The following AKAP19 variants were observed in gnomAD, a reference collection of about 807,000 sequenced individuals.
The protein encoded by AKAP19 is A-kinase anchoring protein 19.
the AKAP19 span, among the ~76,000 whole-genome samples, chr2:190,033,752 T>C: frequency 6.6e-6 from 1 of 152,218 alleles, no homozygotes; most frequent in Non-Finnish European, 1.5e-5. Context: ...TGCTGTCTTG[T>C]CTACCTGGAA....
the AKAP19 span, among the ~76,000 whole-genome samples, chr2:189,949,040 T>A: frequency 6.6e-5 from 10 of 152,218 alleles, no homozygotes; most frequent in African/African-American, 2.4e-4. Context: ...AATACAGTTG[T>A]CCCTCAGTAT....
the AKAP19 span, among the ~76,000 whole-genome samples, chr2:189,953,639 A>C: frequency 6.6e-6 from 1 of 151,420 alleles, no homozygotes; most frequent in Non-Finnish European, 1.5e-5. Flanking sequence ...CATCTCAAAA[A>C]AAAAAAAAAA....
the AKAP19 span, among the ~76,000 whole-genome samples, chr2:190,156,378 T>G: frequency 2.6e-5 from 4 of 152,150 alleles, no homozygotes; most frequent in Non-Finnish European, 5.9e-5. Flanking sequence ...TTAACCAAGA[T>G]AGGACCTAGA....
the AKAP19 span, among the ~76,000 whole-genome samples, chr2:189,941,382 G>A: frequency 6.6e-6 from 1 of 152,224 alleles, no homozygotes; most frequent in South Asian, 2.1e-4. Flanking sequence ...CAAAAGACAA[G>A]TGTCTGGAAA....
At chr2:190,100,095 C>T in the AKAP19 span, among the ~76,000 whole-genome samples, 1 of 152,114 alleles carries the variant, frequency 6.6e-6, no homozygotes, top group South Asian at 2.1e-4. Context: ...AGGATTAAAG[C>T]TAAAACAGCT....
the AKAP19 span, among the ~76,000 whole-genome samples, chr2:190,169,234 G>T: frequency 4.6e-5 from 7 of 152,068 alleles, no homozygotes; most frequent in Non-Finnish European, 8.8e-5. Flanking sequence ...TCACGGTCAG[G>T]AGAACAGCAC....
chr2:190,032,193 A>C, the AKAP19 span, among the ~76,000 whole-genome samples: 1 of 152,180 alleles, frequency 6.6e-6, no homozygotes, highest in Non-Finnish European at 1.5e-5. Context: ...CTAATTTATA[A>C]GAATTGTAAA....
the AKAP19 span, among the ~76,000 whole-genome samples, chr2:190,110,667 C>T: frequency 1.3e-5 from 2 of 152,134 alleles, no homozygotes; most frequent in East Asian, 1.9e-4. Flanking sequence ...TATGTCACTT[C>T]AATAACATCA....
At chr2:190,165,988 T>C in the AKAP19 span, among the ~76,000 whole-genome samples, 21,558 of 152,162 alleles carry the variant, frequency 0.14, 1,840 homozygotes, top group Middle Eastern at 0.24. Flanking sequence ...CAAAGAAAGT[T>C]GTATTTAGAA....
At chr2:189,984,010 A>G in the AKAP19 span, among the ~76,000 whole-genome samples, 4 of 152,172 alleles carry the variant, frequency 2.6e-5, no homozygotes, top group Non-Finnish European at 4.4e-5. Context: ...ACAGACATCA[A>G]GTACTTAATA....
the AKAP19 span, among the ~76,000 whole-genome samples, chr2:190,036,313 G>T: frequency 6.6e-6 from 1 of 152,188 alleles, no homozygotes; most frequent in African/African-American, 2.4e-5. Context: ...CTATGGCACA[G>T]TACAGCTGAC....
At chr2:190,147,650 T>C in the AKAP19 span, among the ~76,000 whole-genome samples, 1 of 131,128 alleles carries the variant, frequency 7.6e-6, no homozygotes, top group Non-Finnish European at 1.6e-5. Flanking sequence ...TGTTTCCATT[T>C]GTTTTTGTTG....
At chr2:190,198,058 A>C in the AKAP19 span, among the ~76,000 whole-genome samples, 2 of 152,358 alleles carry the variant, frequency 1.3e-5, no homozygotes, top group South Asian at 2.1e-4. Flanking sequence ...TAAACAAGAC[A>C]GACACCACAC....
At chr2:190,107,501 C>G in the AKAP19 span, among the ~76,000 whole-genome samples, 1 of 152,012 alleles carries the variant, frequency 6.6e-6, no homozygotes, top group African/African-American at 2.4e-5. Flanking sequence ...AAATGATTTT[C>G]ATTTTAGTTT....
At chr2:190,055,335 G>T in the AKAP19 span, among the ~76,000 whole-genome samples, 1 of 125,814 alleles carries the variant, frequency 7.9e-6, no homozygotes, top group African/African-American at 2.9e-5. Context: ...GTTGTGGGGT[G>T]GGGGGAGGGG....
the AKAP19 span, among the ~76,000 whole-genome samples, chr2:190,152,009 C>A: frequency 2.1e-5 from 2 of 94,976 alleles, no homozygotes; most frequent in African/African-American, 4.7e-5. Flanking sequence ...AAACAAAAAA[C>A]AACAACAAAA....
At chr2:190,140,037 A>G in the AKAP19 span, among the ~76,000 whole-genome samples, 527 of 152,320 alleles carry the variant, frequency 3.5e-3, 4 homozygotes, top group African/African-American at 0.012. Context: ...GAAATTGGCC[A>G]AAATGAAGGG....
chr2:190,062,841 A>G, the AKAP19 span: 1 of 449,504 alleles, frequency 2.2e-6, no homozygotes, highest in Non-Finnish European at 4.0e-6. Flanking sequence ...AGAGGTTAAA[A>G]CCCTGTCTGT....
At chr2:190,050,540 G>A in the AKAP19 span, among the ~76,000 whole-genome samples, 1 of 152,130 alleles carries the variant, frequency 6.6e-6, no homozygotes, top group African/African-American at 2.4e-5. Context: ...GTAGGTGAAA[G>A]GATGTCATCT....
Sources: allele counts gnomAD v4.1 joint callset (sites outside exome capture counted in the v4.1 genomes callset), GRCh38; gene constraint gnomAD v4.1.1; transcripts MANE v1.5; gene names NCBI Gene and HGNC (gene_info 2026-07-23, HGNC 2026-07-21).